The following SOX1 variants were observed in gnomAD, a reference collection of about 807,000 sequenced individuals.
SOX1 encodes the protein SRY-box transcription factor 1, also known as transcription factor SOX-1.
A neutral mutation model predicts 0.9 loss-of-function variants in SOX1; 1 was observed. That is an observed-to-expected ratio of 1.07 (90% CI 0.38 to 5.06). SOX1 has a LOEUF of 5.06. Ranked by LOEUF, SOX1 falls within the 30% of genes most tolerant of loss-of-function variation. The pLI is 0.16. For synonymous variants in SOX1, 397 were observed against 265.5 expected (o/e 1.50, Z -4.81); for missense variants, 564 against 534.4 (o/e 1.06, Z -0.55).
Position 112,068,848 on chromosome 13 carries a change from C to T in SOX1, c.*14C>T, listed in dbSNP as rs1031567373. ...ACGCACATCTAGCGCCTTCGGGACG[C>T]CGGGGACTCTGCGGCGGCGACCCAC... On this transcript the variant is annotated 3_prime_UTR_variant, in exon 1 of 1. Coordinates refer to ENST00000330949, the MANE Select transcript of SOX1 (RefSeq NM_005986.3). The surrounding 1 kb of genome is among the most constrained non-coding windows in gnomAD (Gnocchi z 6.9). 2.0e-5 allele frequency: 24 copies of T among 1,210,294 alleles called. No individual in the cohort carries two copies. The African/African-American group carries it at 3.0e-4, about 15-fold the overall frequency. 75.0% of individuals were successfully genotyped at this position (1,210,294 alleles called of 1,614,324 possible).
chr13:112,068,723 C>T lies in SOX1; in HGVS notation c.1065C>T (p.Asp355=). 3.4e-6 allele frequency: 4 copies of T among 1,184,806 alleles called. No homozygotes were observed. The highest frequency in any genetic ancestry group is 4.2e-6 in the Non-Finnish European group (4 of 958,238). 73.4% of individuals were successfully genotyped at this position (1,184,806 alleles called of 1,614,324 possible). ...SMYLPAGEGG[D]PAAAAAAAAQ... ...ACTTGCCCGCCGGCGAGGGGGGCGA[C>T]CCGGCGGCGGCAGCAGCGGCCGCGG... The change falls in exon 1 of 1, where the codon GAC becomes GAT. Residue 355 remains aspartate (D), a synonymous_variant. Coordinates refer to ENST00000330949, the MANE Select transcript of SOX1 (RefSeq NM_005986.3). This position sits in a 1 kb window ranked among gnomAD's most constrained non-coding sequence, Gnocchi z 6.9.
rs750745411 is a variant in SOX1 at position 112,067,766 on chromosome 13, GGGCGGCGGC to G, written c.117_125del (p.Gly41_Gly43del). ...CGGGCGGCGGCGGGGGCGGAGGCGG[GGGCGGCGGC>G]GGCGGCGGGGGCGCCAAGGCCAACC... On this transcript the variant is annotated inframe_deletion, in exon 1 of 1. Coordinates refer to ENST00000330949, the MANE Select transcript of SOX1 (RefSeq NM_005986.3). This position sits in a 1 kb window ranked among gnomAD's most constrained non-coding sequence, Gnocchi z 5.1. The G allele has an allele frequency of 2.9e-5, 37 of 1,273,626 alleles. No homozygotes were observed. Among genetic ancestry groups the G allele is most frequent in the Middle Eastern group, 3.0e-4 (1 of 3,322 alleles). 78.9% of individuals were successfully genotyped at this position (1,273,626 alleles called of 1,614,324 possible). A position where few individuals can be genotyped will look rare whatever the true frequency, so the allele number is the denominator to read the frequency against.
rs1235093774 is a variant in SOX1 at position 112,067,748 on chromosome 13, C to G, written c.90C>G (p.Gly30=). 2 of 1,220,270 alleles carry G rather than the reference C, an allele frequency of 1.6e-6. No homozygotes were observed. Among genetic ancestry groups the G allele is most frequent in the African/African-American group, 1.6e-5 (1 of 62,562 alleles). 75.6% of individuals were successfully genotyped at this position (1,220,270 alleles called of 1,614,324 possible). Residue 30 remains glycine, a synonymous_variant, in exon 1 of 1, where the codon GGC becomes GGG. Coordinates refer to ENST00000330949, the MANE Select transcript of SOX1 (RefSeq NM_005986.3). This position sits in a 1 kb window ranked among gnomAD's most constrained non-coding sequence, Gnocchi z 5.1. ...TNLSGPAGAG[G]GGGGGGGGGG... is the part of the protein sequence containing the mutation. Reference sequence around the variant, plus strand: ...TCTCGGGCCCCGCCGGGGCGGGCGGCGGCGGGGGCGGAGGCGGGGGCGGCG... The same window carrying G: ...TCTCGGGCCCCGCCGGGGCGGGCGGGGGCGGGGGCGGAGGCGGGGGCGGCG...
At position 112,067,632 on chromosome 13, in the gene SOX1, G is replaced by A; in HGVS notation, c.-27G>A. ...CTATGCTCCAGGCCCTCTCCTCGCG[G>A]TGCCGGTGAACCCGCCAGCCGCCCC... On this transcript the variant is annotated 5_prime_UTR_variant, in exon 1 of 1. The change creates a new upstream start codon in the 5' untranslated region. Coordinates refer to ENST00000330949, the MANE Select transcript of SOX1 (RefSeq NM_005986.3). This position sits in a 1 kb window ranked among gnomAD's most constrained non-coding sequence, Gnocchi z 5.1. 1 of 1,264,910 alleles carries A rather than the reference G, an allele frequency of 7.9e-7. No homozygotes were observed. The highest frequency in any genetic ancestry group is 1.0e-6 in the Non-Finnish European group (1 of 993,556). The allele number at this position is 1,264,910 out of a possible 1,614,324, so 78.4% of individuals were successfully genotyped here. A position where few individuals can be genotyped will look rare whatever the true frequency, so the allele number is the denominator to read the frequency against.
Position 112,068,857 on chromosome 13 carries a change from C to T in SOX1, c.*23C>T. The T allele has an allele frequency of 8.3e-7, 1 of 1,204,928 alleles. No homozygotes were observed. Among genetic ancestry groups the T allele is most frequent in the Non-Finnish European group, 1.0e-6 (1 of 962,164 alleles). 74.6% of individuals were successfully genotyped at this position (1,204,928 alleles called of 1,614,324 possible). On this transcript the variant is annotated 3_prime_UTR_variant, in exon 1 of 1. Coordinates refer to ENST00000330949, the MANE Select transcript of SOX1 (RefSeq NM_005986.3). The surrounding 1 kb of genome is among the most constrained non-coding windows in gnomAD (Gnocchi z 6.9). Reference sequence around the variant, plus strand: ...TAGCGCCTTCGGGACGCCGGGGACTCTGCGGCGGCGACCCACGAGCTCGCG... The same window carrying T: ...TAGCGCCTTCGGGACGCCGGGGACTTTGCGGCGGCGACCCACGAGCTCGCG...
Position 112,068,310 on chromosome 13 carries a change from G to A in SOX1, c.652G>A (p.Gly218Ser). The change falls in exon 1 of 1, where the codon GGC (glycine) becomes AGC (serine). Residue 218 changes from glycine to serine, a missense_variant. Physicochemically the swap from Gly to Ser is moderately conservative, Grantham distance 56 (BLOSUM62 0). Coordinates refer to ENST00000330949, the MANE Select transcript of SOX1 (RefSeq NM_005986.3). This position sits in a 1 kb window ranked among gnomAD's most constrained non-coding sequence, Gnocchi z 6.9. ...GCAGCTGGCCTACGGGCAGCACCCG[G>A]GCGCGGGCGGCGCGCACCCGCACGC... is the stretch of plus-strand genomic sequence containing the variant. Reference protein sequence around the residue: ...EAQLAYGQHPGAGGAHPHAHP... With the variant: ...EAQLAYGQHPSAGGAHPHAHP... 9.5e-7 allele frequency: 1 copy of A among 1,054,740 alleles called. No individual in the cohort carries two copies. The highest frequency in any genetic ancestry group is 1.1e-6 in the Non-Finnish European group (1 of 869,844). 65.3% of individuals were successfully genotyped at this position (1,054,740 alleles called of 1,614,324 possible).
chr13:112,068,843 G>A lies in SOX1; in HGVS notation c.*9G>A. On this transcript the variant is annotated 3_prime_UTR_variant, in exon 1 of 1. Transcript: ENST00000330949. The surrounding 1 kb of genome is among the most constrained non-coding windows in gnomAD (Gnocchi z 6.9). ...CCCTGACGCACATCTAGCGCCTTCGGGACGCCGGGGACTCTGCGGCGGCGA... is the reference window on the plus strand; with the variant it reads ...CCCTGACGCACATCTAGCGCCTTCGAGACGCCGGGGACTCTGCGGCGGCGA... The A allele has an allele frequency of 8.3e-7, 1 of 1,210,680 alleles. No homozygotes were observed. The highest frequency in any genetic ancestry group is 1.0e-6 in the Non-Finnish European group (1 of 966,582). The allele number at this position is 1,210,680 out of a possible 1,614,324, so 75.0% of individuals were successfully genotyped here.
chr13:112,068,775 C>T lies in SOX1; in HGVS notation c.1117C>T (p.Gln373Ter). ...AAQSRLHSLP[Q>*]HYQGAGAGVN... is the part of the protein sequence containing the mutation. ...GCAGAGCCGGCTGCACTCGCTGCCGCAGCACTACCAGGGCGCGGGCGCGGG... is the reference window on the plus strand; with the variant it reads ...GCAGAGCCGGCTGCACTCGCTGCCGTAGCACTACCAGGGCGCGGGCGCGGG... Residue 373 changes from glutamine (Q) to a stop codon, truncating the protein, a stop_gained, in exon 1 of 1, where the codon CAG becomes TAG. Coordinates refer to ENST00000330949, the MANE Select transcript of SOX1 (RefSeq NM_005986.3). LOFTEE classifies it high-confidence loss of function. The surrounding 1 kb of genome is among the most constrained non-coding windows in gnomAD (Gnocchi z 6.9). The T allele has an allele frequency of 8.2e-7, 1 of 1,216,428 alleles. No individual in the cohort carries two copies. The highest frequency in any genetic ancestry group is 1.0e-6 in the Non-Finnish European group (1 of 978,560). The allele number at this position is 1,216,428 out of a possible 1,614,324, so 75.4% of individuals were successfully genotyped here. A position where few individuals can be genotyped will look rare whatever the true frequency, so the allele number is the denominator to read the frequency against.
Position 112,067,745 on chromosome 13 carries a change from CGGCGGCGGG to C in SOX1, c.93_101del (p.Gly41_Gly43del). The C allele has an allele frequency of 8.2e-7, 1 of 1,219,280 alleles. No individual in the cohort carries two copies. The highest frequency in any genetic ancestry group is 1.0e-6 in the Non-Finnish European group (1 of 974,948). The allele number at this position is 1,219,280 out of a possible 1,614,324, so 75.5% of individuals were successfully genotyped here. On this transcript the variant is annotated inframe_deletion, in exon 1 of 1. Transcript: ENST00000330949. The surrounding 1 kb of genome is among the most constrained non-coding windows in gnomAD (Gnocchi z 5.1). ...ACCTCTCGGGCCCCGCCGGGGCGGGCGGCGGCGGGGGCGGAGGCGGGGGCGGCGGCGGCG... is the reference window on the plus strand; with the variant it reads ...ACCTCTCGGGCCCCGCCGGGGCGGGCGGCGGAGGCGGGGGCGGCGGCGGCG...
Position 112,070,875 on chromosome 13 carries a change from TTTTC to T in SOX1, c.*2045_*2048del, listed in dbSNP as rs1369417685. ...ATAATAAACCCCCCCCCTCTTTTCT[TTTTC>T]TTTATTTTTATTTCTTTTAGCTATT... On this transcript the variant is annotated 3_prime_UTR_variant, in exon 1 of 1. Transcript: ENST00000330949. Among the ~76,000 whole-genome samples the T allele has an allele frequency of 1.4e-4, 21 of 146,222 alleles. No individual in the cohort carries two copies. Among genetic ancestry groups the T allele is most frequent in the Admixed American group, 1.1e-3 (17 of 14,802 alleles).
chr13:112,068,635 C>A lies in SOX1; in HGVS notation c.977C>A (p.Pro326Gln), dbSNP rs1294049725. Residue 326 changes from proline (P) to glutamine (Q), a missense_variant, in exon 1 of 1, where the codon CCG becomes CAG. Transcript: ENST00000330949. This position sits in a 1 kb window ranked among gnomAD's most constrained non-coding sequence, Gnocchi z 6.9. The part of the protein sequence containing the change: ...SLVKSEPSGS[P>Q]PAPAHSRAPC... ...GTGAAGTCGGAGCCCAGCGGCAGCC[C>A]GCCCGCCCCAGCGCACTCGCGGGCG... is the stretch of plus-strand genomic sequence containing the variant. 25 of 1,154,594 alleles carry A rather than the reference C, an allele frequency of 2.2e-5. No homozygotes were observed. The highest frequency in any genetic ancestry group is 4.2e-5 in the South Asian group (1 of 23,684). 71.5% of individuals were successfully genotyped at this position (1,154,594 alleles called of 1,614,324 possible).
rs1875840379 is a variant in SOX1 at position 112,070,699 on chromosome 13, A to C, written c.*1865A>C. Among the ~76,000 whole-genome samples, 1 of 152,244 alleles carries C rather than the reference A, an allele frequency of 6.6e-6. No individual in the cohort carries two copies. Among genetic ancestry groups the C allele is most frequent in the Non-Finnish European group, 1.5e-5 (1 of 68,052 alleles). On this transcript the variant is annotated 3_prime_UTR_variant, in exon 1 of 1. Coordinates refer to ENST00000330949, the MANE Select transcript of SOX1 (RefSeq NM_005986.3). Reference sequence around the variant, plus strand: ...TATAAGTTTAATGAGAACCGAATTCAGCCTGCATTCGAGAATAGCTTTAAG... The same window carrying C: ...TATAAGTTTAATGAGAACCGAATTCCGCCTGCATTCGAGAATAGCTTTAAG...
chr13:112,068,871 C>T lies in SOX1; in HGVS notation c.*37C>T. 8.3e-7 allele frequency: 1 copy of T among 1,198,376 alleles called. No individual in the cohort carries two copies. Among genetic ancestry groups the T allele is most frequent in the Non-Finnish European group, 1.0e-6 (1 of 957,196 alleles). The allele number at this position is 1,198,376 out of a possible 1,614,324, so 74.2% of individuals were successfully genotyped here. On this transcript the variant is annotated 3_prime_UTR_variant, in exon 1 of 1. Transcript: ENST00000330949. This position sits in a 1 kb window ranked among gnomAD's most constrained non-coding sequence, Gnocchi z 6.9. The stretch of plus-strand genomic sequence containing the variant: ...CGCCGGGGACTCTGCGGCGGCGACC[C>T]ACGAGCTCGCGGCCCGCGCCCGGCT...
Position 112,068,501 on chromosome 13 carries a change from G to GGCCGCC in SOX1, c.855_860dup (p.Ala287_Ala288dup), listed in dbSNP as rs755129510. 4 of 1,010,392 alleles carry GGCCGCC rather than the reference G, an allele frequency of 4.0e-6. No homozygotes were observed. The highest frequency in any genetic ancestry group is 1.8e-5 in the African/African-American group (1 of 54,298). The allele number at this position is 1,010,392 out of a possible 1,614,324, so 62.6% of individuals were successfully genotyped here. ...ACGGCGGCCTCCCCTACGGCGCCGC[G>GGCCGCC]GCCGCCGCCGCCGCCGCTGCGGGCG... On this transcript the variant is annotated inframe_insertion, in exon 1 of 1. Coordinates refer to ENST00000330949, the MANE Select transcript of SOX1 (RefSeq NM_005986.3). This position sits in a 1 kb window ranked among gnomAD's most constrained non-coding sequence, Gnocchi z 6.9.
chr13:112,067,718 G>T lies in SOX1; in HGVS notation c.60G>T (p.Thr20=). The change falls in exon 1 of 1, where the codon ACG becomes ACT. Residue 20 remains threonine (T), a synonymous_variant. Transcript: ENST00000330949. The surrounding 1 kb of genome is among the most constrained non-coding windows in gnomAD (Gnocchi z 5.1). ...CGCCCGGCGGCGCCCAGGCCCCCACGAACCTCTCGGGCCCCGCCGGGGCGG... is the reference window on the plus strand; with the variant it reads ...CGCCCGGCGGCGCCCAGGCCCCCACTAACCTCTCGGGCCCCGCCGGGGCGG... ...LHSPGGAQAP[T]NLSGPAGAGG... The T allele has an allele frequency of 7.8e-7, 1 of 1,274,112 alleles. No homozygotes were observed. Among genetic ancestry groups the T allele is most frequent in the Non-Finnish European group, 1.0e-6 (1 of 1,003,086 alleles). The allele number at this position is 1,274,112 out of a possible 1,614,324, so 78.9% of individuals were successfully genotyped here. A position where few individuals can be genotyped will look rare whatever the true frequency, so the allele number is the denominator to read the frequency against.
Position 112,068,547 on chromosome 13 carries a change from GT to G in SOX1, c.890del (p.Val297GlyfsTer22). 1 of 992,722 alleles carries G rather than the reference GT, an allele frequency of 1.0e-6. No individual in the cohort carries two copies. Among genetic ancestry groups the G allele is most frequent in the Non-Finnish European group, 1.2e-6 (1 of 835,446 alleles). 61.5% of individuals were successfully genotyped at this position (992,722 alleles called of 1,614,324 possible). On this transcript the variant is annotated frameshift_variant, in exon 1 of 1. Coordinates refer to ENST00000330949, the MANE Select transcript of SOX1 (RefSeq NM_005986.3). LOFTEE classifies it low-confidence loss of function (END_TRUNC). This position sits in a 1 kb window ranked among gnomAD's most constrained non-coding sequence, Gnocchi z 6.9. Reference sequence around the variant, plus strand: ...GGGCGGCGCGCACCAGAACTCGGCCGTGGCGGCGGCGGCGGCGGCGGCGGCC... The same window carrying G: ...GGGCGGCGCGCACCAGAACTCGGCCGGGCGGCGGCGGCGGCGGCGGCGGCC... ...AAGGAHQNSA[V>X]AAAAAAAAAS...
rs1419694769 is a variant in SOX1, at chr13:112,068,052, A to G, written c.394A>G (p.Lys132Glu). ...PRRKTKTLLK[K>E]DKYSLAGGLL... ...CCGCAAGACCAAGACGCTGCTCAAG[A>G]AGGACAAGTACTCGCTGGCCGGCGG... The change falls in exon 1 of 1, where the codon AAG becomes GAG. Residue 132 changes from lysine to glutamate, a missense_variant. By Grantham distance (56) the Lys-to-Glu change is moderately conservative. Transcript: ENST00000330949. This position sits in a 1 kb window ranked among gnomAD's most constrained non-coding sequence, Gnocchi z 6.9. The G allele has an allele frequency of 6.3e-7, 1 of 1,597,242 alleles. No individual in the cohort carries two copies. The highest frequency in any genetic ancestry group is 8.5e-7 in the Non-Finnish European group (1 of 1,172,028).
chr13:112,067,754 G>C lies in SOX1; in HGVS notation c.96G>C (p.Gly32=), dbSNP rs1215133635. The change falls in exon 1 of 1, where the codon GGG becomes GGC. Residue 32 remains glycine, a synonymous_variant. Transcript: ENST00000330949. The surrounding 1 kb of genome is among the most constrained non-coding windows in gnomAD (Gnocchi z 5.1). ...LSGPAGAGGG[G]GGGGGGGGGG... ...GCCCCGCCGGGGCGGGCGGCGGCGG[G>C]GGCGGAGGCGGGGGCGGCGGCGGCG... 2 of 1,237,556 alleles carry C rather than the reference G, an allele frequency of 1.6e-6. No homozygotes were observed. Among genetic ancestry groups the C allele is most frequent in the African/African-American group, 1.6e-5 (1 of 62,718 alleles). The allele number at this position is 1,237,556 out of a possible 1,614,324, so 76.7% of individuals were successfully genotyped here. A position where few individuals can be genotyped will look rare whatever the true frequency, so the allele number is the denominator to read the frequency against.
Position 112,071,146 on chromosome 13 carries a change from C to T in SOX1, c.*2312C>T, listed in dbSNP as rs1349278036. On this transcript the variant is annotated 3_prime_UTR_variant, in exon 1 of 1. Transcript: ENST00000330949. ...TCTGAGGTTCTTTGACTGACGTCCA[C>T]TCTCAGTCTGGCCCCTGTGCTCCCC... Among the ~76,000 whole-genome samples, 1 of 152,218 alleles carries T rather than the reference C, an allele frequency of 6.6e-6. No individual in the cohort carries two copies. Among genetic ancestry groups the T allele is most frequent in the African/African-American group, 2.4e-5 (1 of 41,456 alleles).
Sources: gnomAD v4.1 joint callset for allele counts (sites outside exome capture counted in the v4.1 genomes callset) on GRCh38, gnomAD v4.1.1 for gene constraint, Gnocchi (gnomAD v3.1) non-coding constraint, MANE v1.5 for transcripts, NCBI Gene and HGNC (gene_info 2026-07-23, HGNC 2026-07-21) for gene names.